The following NLGN1 variants were observed in gnomAD, a reference collection of about 807,000 sequenced individuals.
The protein encoded by NLGN1 is neuroligin-1.
NLGN1 carries 12 observed loss-of-function variants against 65.5 expected under a neutral mutation model. The ratio of observed to expected loss-of-function variants is 0.18; its 90% CI spans 0.12 to 0.30. The LOEUF is 0.30. Ranked by LOEUF, NLGN1 falls within the 10% of genes least tolerant of loss-of-function variation. NLGN1 has a pLI of 1.00. For synonymous variants in NLGN1, 350 were observed against 359.5 expected, an observed-to-expected ratio of 0.97 and a Z score of 0.30; for missense variants, 750 against 1,007.1, an observed-to-expected ratio of 0.74 and a Z score of 3.46.
intron 4 of NLGN1, among the ~76,000 whole-genome samples, chr3:174,265,501 G>T (rs1359509650): frequency 6.6e-6 from 1 of 151,896 alleles, no homozygotes; most frequent in Non-Finnish European, 1.5e-5. Flanking sequence ...GACGCCTTGC[G>T]CTTCCCAAGT....
intron 3 of NLGN1, 65 bp from the exon 3 acceptor site, chr3:173,605,469 T>A: frequency 1.2e-6 from 1 of 814,032 alleles, no homozygotes. Flanking sequence ...GATAGTGGTG[T>A]TGCATGTTCC....
intron 2 of NLGN1, among the ~76,000 whole-genome samples, chr3:173,458,119 G>A (rs1228625521): frequency 6.6e-6 from 1 of 151,974 alleles, no homozygotes; most frequent in Non-Finnish European, 1.5e-5. Context: ...AAGGACTGAG[G>A]CCCCAGGTCT....
At chr3:173,693,044 T>C (rs1020049834) in intron 3 of NLGN1, among the ~76,000 whole-genome samples, 3 of 152,120 alleles carry the variant, frequency 2.0e-5, no homozygotes, top group African/African-American at 4.8e-5. Context: ...TGTTACTTGA[T>C]TACCTCAAGA....
intron 4 of NLGN1, among the ~76,000 whole-genome samples, chr3:173,816,111 CTAATTATAATTGTCAAATACTA>C (rs1718995160): frequency 6.7e-6 from 1 of 150,022 alleles, no homozygotes; most frequent in Non-Finnish European, 1.5e-5. Flanking sequence ...AAATCTATAT[CTAATTATAATTGTCAAATACTA>C]TAATTATAAT....
intron 4 of NLGN1, among the ~76,000 whole-genome samples, chr3:173,862,946 A>G (rs1729431481): frequency 6.6e-6 from 1 of 152,142 alleles, no homozygotes; most frequent in Non-Finnish European, 1.5e-5. Flanking sequence ...AAATCTCTGC[A>G]AATAGTTCTG....
chr3:174,083,882 G>C (rs1401218951), intron 4 of NLGN1, among the ~76,000 whole-genome samples: 1 of 152,034 alleles, frequency 6.6e-6, no homozygotes, highest in Non-Finnish European at 1.5e-5. Flanking sequence ...GGTGGAAACA[G>C]AGACAGGACT....
At chr3:174,043,033 C>T (rs1336431969) in intron 4 of NLGN1, among the ~76,000 whole-genome samples, 1 of 152,122 alleles carries the variant, frequency 6.6e-6, no homozygotes, top group Non-Finnish European at 1.5e-5. Context: ...CACAGGATGG[C>T]AGGAGAGAAA....
At chr3:173,668,418 G>A (rs932092804) in intron 3 of NLGN1, among the ~76,000 whole-genome samples, 3 of 151,928 alleles carry the variant, frequency 2.0e-5, no homozygotes, top group Non-Finnish European at 4.4e-5. Context: ...AGTGAAAAAC[G>A]AAGAAATGAT....
At chr3:173,858,635 T>G (rs1728485980) in intron 4 of NLGN1, among the ~76,000 whole-genome samples, 1 of 151,996 alleles carries the variant, frequency 6.6e-6, no homozygotes, top group Non-Finnish European at 1.5e-5. Context: ...TCAAAAGGAG[T>G]CTGTGTGGAT....
chr3:173,883,421 C>T (rs1220842475), intron 4 of NLGN1, among the ~76,000 whole-genome samples: 1 of 152,036 alleles, frequency 6.6e-6, no homozygotes, highest in East Asian at 1.9e-4. Flanking sequence ...CACAGATCAT[C>T]ATAACAAATA....
chr3:173,992,918 G>A (rs1474934591), intron 4 of NLGN1, among the ~76,000 whole-genome samples: 1 of 152,024 alleles, frequency 6.6e-6, no homozygotes, highest in Non-Finnish European at 1.5e-5. Context: ...TTTTTCTCCT[G>A]TTGGAATGGA....
chr3:173,732,281 G>A (rs941227402), intron 3 of NLGN1, among the ~76,000 whole-genome samples: 2 of 152,092 alleles, frequency 1.3e-5, no homozygotes. Flanking sequence ...CTCTGATACA[G>A]TGTGAGGCTT....
At chr3:173,790,448 A>C (rs191207006) in intron 3 of NLGN1, among the ~76,000 whole-genome samples, 1 of 152,264 alleles carries the variant, frequency 6.6e-6, no homozygotes, top group Admixed American at 6.5e-5. Flanking sequence ...CTCTCACTGT[A>C]TTCTCTTTAT....
intron 1 of NLGN1, among the ~76,000 whole-genome samples, chr3:173,426,384 G>T (rs962528543): frequency 1.3e-5 from 2 of 151,836 alleles, no homozygotes; most frequent in African/African-American, 4.8e-5. Flanking sequence ...TAAAAGTGAT[G>T]AAACTAGGTA....
At chr3:173,557,573 A>G (rs964362770) in intron 2 of NLGN1, among the ~76,000 whole-genome samples, 3 of 151,918 alleles carry the variant, frequency 2.0e-5, no homozygotes, top group African/African-American at 4.8e-5. Context: ...TCTGTTTTAT[A>G]TCTTCTATTA....
At chr3:174,096,490 T>G (rs1425320293) in intron 4 of NLGN1, among the ~76,000 whole-genome samples, 1 of 152,080 alleles carries the variant, frequency 6.6e-6, no homozygotes, top group Non-Finnish European at 1.5e-5. Flanking sequence ...AAAGATATTG[T>G]AAATATACCT....
At chr3:173,426,180 AT>A (rs1716066337) in intron 1 of NLGN1, among the ~76,000 whole-genome samples, 1 of 152,026 alleles carries the variant, frequency 6.6e-6, no homozygotes, top group African/African-American at 2.4e-5. Context: ...ATGATTTAGT[AT>A]TATATTTTGC....
intron 4 of NLGN1, among the ~76,000 whole-genome samples, chr3:174,270,951 T>TATCA (rs1369815325): frequency 1.6e-4 from 24 of 151,854 alleles, no homozygotes. Context: ...GACGTCTCAC[T>TATCA]ATCATTCAGA....
intron 4 of NLGN1, among the ~76,000 whole-genome samples, chr3:174,119,466 T>A (rs2152640905): frequency 6.6e-6 from 1 of 152,280 alleles, no homozygotes; most frequent in African/African-American, 2.4e-5. Context: ...GTCTTAAAAT[T>A]TTGTGCCAAC....
Sources: gnomAD v4.1 joint callset for allele counts (sites outside exome capture counted in the v4.1 genomes callset) on GRCh38, gnomAD v4.1.1 for gene constraint, MANE v1.5 for transcripts, NCBI Gene and HGNC (gene_info 2026-07-23, HGNC 2026-07-21) for gene names.